The following NLGN1 variants were observed in gnomAD, a reference collection of about 807,000 sequenced individuals.
NLGN1 encodes neuroligin-1.
In NLGN1, 12 loss-of-function variants were observed where a neutral mutation model predicts 65.5. That is an observed-to-expected ratio of 0.18 (90% CI 0.12 to 0.30). The LOEUF is 0.30. Among genes scored for constraint, NLGN1 ranks in the 10% least tolerant of loss-of-function variants. The pLI is 1.00. For synonymous variants in NLGN1, 350 were observed against 359.5 expected (o/e 0.97, Z 0.30); for missense variants, 750 against 1,007.1 (o/e 0.74, Z 3.46).
intron 4 of NLGN1, among the ~76,000 whole-genome samples, chr3:174,205,863 A>G (rs958855079): frequency 3.3e-5 from 5 of 152,348 alleles, no homozygotes; most frequent in Admixed American, 2.0e-4. Flanking sequence ...TGCTAAGTTC[A>G]ACCTTATAGG....
At position 173,541,007 on chromosome 3, in the gene NLGN1, A is replaced by G. The variant is rs1401378384; in HGVS notation, c.-320-63272A>G. On this transcript the variant is annotated intron_variant, in intron 2 of 6. Transcript: ENST00000457714. ...GTACTTGGGTAAAAAAACAGGATGT[A>G]TCAAGGATGATAAATACACAAGCAC... Among the ~76,000 whole-genome samples the G allele has an allele frequency of 2.6e-5, 4 of 152,206 alleles. No individual in the cohort carries two copies. In the East Asian group the frequency reaches 7.7e-4, roughly 29 times the overall value.
chr3:174,133,888 C>A (rs971553720), intron 4 of NLGN1, among the ~76,000 whole-genome samples: 1 of 49,930 alleles, frequency 2.0e-5, no homozygotes, highest in Non-Finnish European at 3.9e-5. Flanking sequence ...CACCACACCC[C>A]ACAAAACACA....
At chr3:173,451,005 G>A (rs189368969) in intron 2 of NLGN1, among the ~76,000 whole-genome samples, 53 of 151,878 alleles carry the variant, frequency 3.5e-4, no homozygotes, top group Middle Eastern at 3.4e-3. Context: ...TCATTGTTTC[G>A]AACTTCCTCC....
intron 4 of NLGN1, among the ~76,000 whole-genome samples, chr3:174,168,597 G>T (rs1048829718): frequency 6.6e-6 from 1 of 152,088 alleles, no homozygotes; most frequent in Non-Finnish European, 1.5e-5. Flanking sequence ...GTAAGAGCTG[G>T]CTGCAGCCAA....
Position 173,439,364 on chromosome 3 carries a change from C to T in NLGN1, c.-321+4286C>T, listed in dbSNP as rs546471691. ...GAATGGGAGCCAAATAAGAAATATG[C>T]GGGAAACTATATAGAGGAATTATTT... On this transcript the variant is annotated intron_variant, in intron 2 of 6. Coordinates refer to ENST00000457714, the Ensembl canonical transcript of NLGN1. Among the ~76,000 whole-genome samples the T allele has an allele frequency of 2.6e-5, 4 of 152,010 alleles. No individual in the cohort carries two copies. The East Asian group carries it at 7.7e-4, about 29-fold the overall frequency.
intron 2 of NLGN1, among the ~76,000 whole-genome samples, chr3:173,463,950 C>A (rs1239173082): frequency 6.6e-6 from 1 of 151,310 alleles, no homozygotes; most frequent in East Asian, 1.9e-4. Context: ...ATACATTTTT[C>A]AAAATTCAAG....
At chr3:173,780,500 C>T (rs1780960910) in intron 3 of NLGN1, among the ~76,000 whole-genome samples, 1 of 152,068 alleles carries the variant, frequency 6.6e-6, no homozygotes, top group African/African-American at 2.4e-5. Flanking sequence ...TTAAATTGAC[C>T]ATCTATACCT....
Position 174,116,553 on chromosome 3 carries a change from G to A in NLGN1, c.647-158762G>A, listed in dbSNP as rs77172330. Among the ~76,000 whole-genome samples, 747 of 152,010 alleles carry A rather than the reference G, an allele frequency of 4.9e-3. 5 individuals are homozygous for A. The highest frequency in any genetic ancestry group is 0.017 in the African/African-American group (714 of 41,476). On this transcript the variant is annotated intron_variant, in intron 4 of 6. Coordinates refer to ENST00000457714, the Ensembl canonical transcript of NLGN1. ...GGATTTCACTATGTTGTCCCGGCTA[G>A]TCTCAAATTTCTGGCCTGAAGTGAT...
intron 2 of NLGN1, among the ~76,000 whole-genome samples, chr3:173,475,361 C>G (rs1726019373): frequency 6.6e-6 from 1 of 151,974 alleles, no homozygotes; most frequent in Non-Finnish European, 1.5e-5. Context: ...ACTATATAGT[C>G]TCTCTGTGTA....
intron 2 of NLGN1, among the ~76,000 whole-genome samples, chr3:173,513,132 G>A (rs960464136): frequency 3.9e-5 from 6 of 152,114 alleles, no homozygotes; most frequent in African/African-American, 1.4e-4. Context: ...TTAGGTTCTG[G>A]TAAAATAGTT....
At chr3:173,686,409 T>G (rs1236256418) in intron 3 of NLGN1, among the ~76,000 whole-genome samples, 1 of 152,188 alleles carries the variant, frequency 6.6e-6, no homozygotes, top group Non-Finnish European at 1.5e-5. Flanking sequence ...ATACTTCTCC[T>G]TAAATTAGAA....
chr3:174,191,685 A>T (rs575459871), intron 4 of NLGN1, among the ~76,000 whole-genome samples: 91 of 152,284 alleles, frequency 6.0e-4, no homozygotes, highest in African/African-American at 2.2e-3. Flanking sequence ...GCAAAATTAC[A>T]GTTTCCACAA....
intron 4 of NLGN1, among the ~76,000 whole-genome samples, chr3:173,968,799 T>C (rs552319976): frequency 6.8e-6 from 1 of 148,142 alleles, no homozygotes; most frequent in Admixed American, 6.9e-5. Context: ...CCCAGGTTCA[T>C]GTAATTCTTC....
chr3:173,890,656 A>G (rs1735161556), intron 4 of NLGN1, among the ~76,000 whole-genome samples: 1 of 152,194 alleles, frequency 6.6e-6, no homozygotes, highest in Admixed American at 6.5e-5. Context: ...ATTATGAAAT[A>G]ACAAAGTACT....
At chr3:173,697,901 T>G (rs1336576051) in intron 3 of NLGN1, among the ~76,000 whole-genome samples, 6 of 152,128 alleles carry the variant, frequency 3.9e-5, no homozygotes, top group African/African-American at 1.2e-4. Context: ...TCTCTGTGAT[T>G]AGAGGGTAAA....
At chr3:173,822,692 A>G (rs1466946091) in intron 4 of NLGN1, among the ~76,000 whole-genome samples, 1 of 152,104 alleles carries the variant, frequency 6.6e-6, no homozygotes, top group East Asian at 1.9e-4. Context: ...ATCCGTTAAT[A>G]TAGGAAATCT....
intron 3 of NLGN1, among the ~76,000 whole-genome samples, chr3:173,728,764 G>T (rs1355207648): frequency 6.6e-6 from 1 of 152,036 alleles, no homozygotes; most frequent in African/African-American, 2.4e-5. Context: ...GCTAAGGATT[G>T]CTGGAAGCCC....
rs1160284253 is a variant in NLGN1, at chr3:173,956,098, T to C, written c.646+148266T>C. On this transcript the variant is annotated intron_variant, in intron 4 of 6. Transcript: ENST00000457714. ...TATAGATCTTCAATTATGTTAATAT[T>C]CAAGTACCCAAATTTGATAAGGCAG... 7.9e-4 allele frequency among the ~76,000 whole-genome samples: 121 copies of C among 152,254 alleles called. 1 individual carries two copies. Among genetic ancestry groups the C allele is most frequent in the Non-Finnish European group, 5.9e-5 (4 of 67,990 alleles).
intron 4 of NLGN1, among the ~76,000 whole-genome samples, chr3:174,067,156 T>C (rs1444201212): frequency 6.6e-6 from 1 of 152,190 alleles, no homozygotes; most frequent in Non-Finnish European, 1.5e-5. Context: ...TGATACTATG[T>C]TGAAAATTGT....
Sources: allele counts gnomAD v4.1 joint callset (sites outside exome capture counted in the v4.1 genomes callset), GRCh38; gene constraint gnomAD v4.1.1; transcripts MANE v1.5; gene names NCBI Gene and HGNC (gene_info 2026-07-23, HGNC 2026-07-21).